ZNF131: variants seen among roughly 807,000 people sequenced by gnomAD.
The protein encoded by ZNF131 is zinc finger and BTB domain containing 35, also known as zinc finger protein 131.
In ZNF131, 7 loss-of-function variants were observed where a neutral mutation model predicts 60.0. The observed-to-expected ratio is 0.12, with a 90% CI of 0.07 to 0.22. The LOEUF is 0.22. ZNF131 is among the 10% of genes least tolerant of loss of function. The pLI is 1.00. For missense variants in ZNF131, 493 were observed against 740.9 expected, an observed-to-expected ratio of 0.67 and a Z score of 3.88; for synonymous variants, 257 against 253.2, an observed-to-expected ratio of 1.01 and a Z score of -0.14.
At chr5:43,144,183 A>G (rs972982739) in intron 4 of ZNF131, among the ~76,000 whole-genome samples, 1 of 148,060 alleles carries the variant, frequency 6.8e-6, no homozygotes, top group Non-Finnish European at 1.5e-5. Flanking sequence ...CGGCCTCCCA[A>G]AGTGCTGGGA....
intron 4 of ZNF131, among the ~76,000 whole-genome samples, chr5:43,154,820 AGCT>A (rs1484065274): frequency 6.6e-6 from 1 of 152,200 alleles, no homozygotes; most frequent in Non-Finnish European, 1.5e-5. Context: ...TTCCGGCAAC[AGCT>A]GCTATTTTTT....
intron 5 of ZNF131, among the ~76,000 whole-genome samples, chr5:43,170,550 C>A: frequency 6.6e-6 from 1 of 152,128 alleles, no homozygotes; most frequent in East Asian, 1.9e-4. Context: ...TCCATATATT[C>A]AAGACCTCTG....
chr5:43,136,670 A>G (rs569035248), intron 3 of ZNF131, among the ~76,000 whole-genome samples: 31 of 116,206 alleles, frequency 2.7e-4, no homozygotes, highest in Non-Finnish European at 4.7e-4. Context: ...TTTTTTTAGT[A>G]GAGACGGAGT....
At chr5:43,151,034 C>G (rs1043854703) in intron 4 of ZNF131, among the ~76,000 whole-genome samples, 1 of 152,180 alleles carries the variant, frequency 6.6e-6, no homozygotes, top group African/African-American at 2.4e-5. Flanking sequence ...GGGCATTAGT[C>G]TAAGTATAGC....
chr5:43,172,804 G>T (rs1369251474), intron 5 of ZNF131, among the ~76,000 whole-genome samples: 25 of 151,570 alleles, frequency 1.6e-4, no homozygotes, highest in Admixed American at 1.6e-3. Flanking sequence ...ATATTCCATC[G>T]CTCTTTTCTG....
In ZNF131 at chr5:43,173,408, T is replaced by C; in HGVS notation, c.1145T>C (p.Val382Ala). Residue 382 changes from valine (V) to alanine (A), a missense_variant, in exon 6 of 7, where the codon GTA becomes GCA. Physicochemically the swap from Val to Ala is moderately conservative, Grantham distance 64. Transcript: ENST00000682664. ...KCHLTACQTG[V>A]GAKKGRKKLY... ...CACCTCACTGCATGCCAAACTGGAG[T>C]AGGGGCAAAAAAAGGAAGGAAGAAG... The C allele has an allele frequency of 6.2e-7, 1 of 1,612,866 alleles. No individual in the cohort carries two copies. Among genetic ancestry groups the C allele is most frequent in the South Asian group, 1.1e-5 (1 of 91,012 alleles).
intron 4 of ZNF131, among the ~76,000 whole-genome samples, chr5:43,160,200 CAAA>C (rs1195152966): frequency 7.2e-6 from 1 of 139,722 alleles, no homozygotes; most frequent in African/African-American, 2.6e-5. Flanking sequence ...AAAAAAAAAA[CAAA>C]AAAAGAAGAA....
rs999689170 is a variant in ZNF131, at chr5:43,175,055, A to G, written c.1794A>G (p.Leu598=). Residue 598 remains leucine (L), a synonymous_variant, in exon 7 of 7, where the codon TTA becomes TTG. Transcript: ENST00000682664. The part of the protein sequence containing the change: ...AREDHEDAED[L]ETKPTVDSEA... The stretch of plus-strand genomic sequence containing the variant: ...AAGATCACGAAGATGCTGAGGATTT[A>G]GAGACCAAGCCAACAGTGGATTCTG... 12 of 1,614,110 alleles carry G rather than the reference A, an allele frequency of 7.4e-6. No individual in the cohort carries two copies. Among genetic ancestry groups the G allele is most frequent in the Admixed American group, 1.7e-5 (1 of 60,006 alleles).
intron 4 of ZNF131, among the ~76,000 whole-genome samples, chr5:43,148,570 G>A (rs933393290): frequency 2.0e-5 from 3 of 152,178 alleles, no homozygotes; most frequent in African/African-American, 7.2e-5. Flanking sequence ...ACTCAGATCT[G>A]CTGTTGTAGC....
At chr5:43,128,780 C>G (rs986118333) in intron 3 of ZNF131, among the ~76,000 whole-genome samples, 1 of 150,680 alleles carries the variant, frequency 6.6e-6, no homozygotes, top group African/African-American at 2.4e-5. Context: ...GAGACAGGGT[C>G]TTGCTCTGTC....
At position 43,175,405 on chromosome 5, in the gene ZNF131, G is replaced by A. The variant is rs1751467738; in HGVS notation, c.*272G>A. On this transcript the variant is annotated 3_prime_UTR_variant, in exon 7 of 7. Transcript: ENST00000682664. Reference sequence around the variant, plus strand: ...ATATTCTTATTATATAGTTGGGTACGAATGTATCTATTTTCATTGTGGTAA... The same window carrying A: ...ATATTCTTATTATATAGTTGGGTACAAATGTATCTATTTTCATTGTGGTAA... 1.0e-5 allele frequency: 7 copies of A among 694,272 alleles called. No individual in the cohort carries two copies. Among genetic ancestry groups the A allele is most frequent in the East Asian group, 2.7e-5 (1 of 37,210 alleles). 43.0% of individuals were successfully genotyped at this position (694,272 alleles called of 1,614,324 possible).
At chr5:43,164,067 C>T (rs745427267) in intron 5 of ZNF131, among the ~76,000 whole-genome samples, 7 of 152,058 alleles carry the variant, frequency 4.6e-5, no homozygotes, top group Non-Finnish European at 8.8e-5. Context: ...AACTAATAGG[C>T]GTTTATGAAA....
At chr5:43,149,857 CT>C (rs746312999) in intron 4 of ZNF131, among the ~76,000 whole-genome samples, 3 of 151,906 alleles carry the variant, frequency 2.0e-5, no homozygotes, top group Admixed American at 6.6e-5. Context: ...AATCTTTTGC[CT>C]GTTTTTTAAA....
At chr5:43,139,432 T>A in intron 4 of ZNF131, 123 bp downstream of exon 4, 1 of 1,101,188 alleles carries the variant, frequency 9.1e-7, no homozygotes, top group Non-Finnish European at 1.2e-6. Flanking sequence ...TTAAGAATAT[T>A]TAAGGATCTA....
chr5:43,136,638 TTTTTTC>T (rs1419066529), intron 3 of ZNF131, among the ~76,000 whole-genome samples: 1 of 145,526 alleles, frequency 6.9e-6, no homozygotes. Context: ...TCTTTTTTTC[TTTTTTC>T]TTTTTCTTTT....
At chr5:43,134,693 C>CTTTTTTTTTT (rs149464238) in intron 3 of ZNF131, among the ~76,000 whole-genome samples, 335 of 88,248 alleles carry the variant, frequency 3.8e-3, no homozygotes, top group African/African-American at 4.7e-3. Context: ...TTCTTTTTTT[C>CTTTTTTTTTT]TTTTTTTTTT....
Position 43,161,631 on chromosome 5 carries a change from C to G in ZNF131, c.754C>G (p.Leu252Val). ...GGTAGAAGGTATTGAAATTGTGGAA[C>G]TTCAGCTGTCACATGTGAAGGACTT... ...KQVEGIEIVE[L>V]QLSHVKDLFH... Residue 252 changes from leucine to valine, a missense_variant, in exon 5 of 7, where the codon CTT (leucine) becomes GTT (valine). This residue lies in a region of ZNF131 where 138 missense variants were observed against 158.7 expected (regional missense o/e 0.87). Coordinates refer to ENST00000682664, the MANE Select transcript of ZNF131 (RefSeq NM_001330707.2). The G allele has an allele frequency of 6.2e-7, 1 of 1,614,190 alleles. No homozygotes were observed. Among genetic ancestry groups the G allele is most frequent in the East Asian group, 2.2e-5 (1 of 44,894 alleles).
At chr5:43,167,325 C>T (rs189458469) in intron 5 of ZNF131, among the ~76,000 whole-genome samples, 26 of 152,196 alleles carry the variant, frequency 1.7e-4, no homozygotes, top group East Asian at 1.2e-3. Flanking sequence ...TTGCTTTACA[C>T]GGGGTTGTCA....
intron 3 of ZNF131, among the ~76,000 whole-genome samples, chr5:43,136,909 G>A (rs1344529577): frequency 2.0e-5 from 3 of 152,096 alleles, no homozygotes; most frequent in Non-Finnish European, 4.4e-5. Flanking sequence ...ATAAAAACAT[G>A]CAAATAATAT....
Sources: gnomAD v4.1 joint callset for allele counts (sites outside exome capture counted in the v4.1 genomes callset) on GRCh38, gnomAD v4.1.1 for gene constraint, gnomAD v4.1.1 regional missense constraint, MANE v1.5 for transcripts, NCBI Gene and HGNC (gene_info 2026-07-23, HGNC 2026-07-21) for gene names.